The following ITGB1 variants were observed in gnomAD, a reference collection of about 807,000 sequenced individuals.
The protein encoded by ITGB1 is integrin beta-1.
ITGB1 carries 24 observed loss-of-function variants against 86.5 expected under a neutral mutation model. That is an observed-to-expected ratio of 0.28 (90% confidence interval 0.20 to 0.39). The LOEUF is 0.39. Among genes scored for constraint, ITGB1 ranks in the 10% least tolerant of loss-of-function variants. ITGB1 has a pLI of 1.00. For synonymous variants in ITGB1, 323 were observed against 316.8 expected (o/e 1.02, Z -0.21); for missense variants, 556 against 946.9 (o/e 0.59, Z 5.42).
chr10:32,944,509 C>A, intron 1 of ITGB1: 1 of 410,626 alleles, frequency 2.4e-6, no homozygotes. Context: ...AGACCTGCTC[C>A]AGGATCAACA....
intron 11 of ITGB1, among the ~76,000 whole-genome samples, chr10:32,912,528 C>T (rs2094916724): frequency 1.3e-5 from 2 of 152,198 alleles, no homozygotes; most frequent in African/African-American, 4.8e-5. Flanking sequence ...CCATGCCCAG[C>T]TCAGAGGGTC....
At position 32,925,851 on chromosome 10, in the gene ITGB1, T is replaced by G; in HGVS notation, c.786+20A>C. On this transcript the variant is annotated intron_variant, in intron 6 of 15. Transcript: ENST00000302278. ...ACATAATAGAAACAATATCCCCTGA[T>G]AGGAAATGAATGCGCTTACTCCACA... 7.3e-7 allele frequency: 1 copy of G among 1,362,184 alleles called. No individual in the cohort carries two copies. The highest frequency in any genetic ancestry group is 1.2e-5 in the South Asian group (1 of 85,906). The allele number at this position is 1,362,184 out of a possible 1,614,324, so 84.4% of individuals were successfully genotyped here.
At chr10:32,907,121 C>T in intron 15 of ITGB1, 1 of 1,344,092 alleles carries the variant, frequency 7.4e-7, no homozygotes, top group South Asian at 1.2e-5. Context: ...ATTAATAGGA[C>T]TCTTGTAAAT....
intron 15 of ITGB1, among the ~76,000 whole-genome samples, chr10:32,903,431 C>T (rs926764779): frequency 8.4e-6 from 1 of 119,664 alleles, no homozygotes. Context: ...AAAGGAAGAA[C>T]AGTCCTAGAG....
intron 3 of ITGB1, 33 bp from the exon 4 acceptor site, chr10:32,930,077 A>C: frequency 1.2e-6 from 1 of 838,034 alleles, no homozygotes. Context: ...GTATAAATGA[A>C]AATTGTAATG....
chr10:32,944,457 T>C (rs1174657774), intron 1 of ITGB1: 11 of 351,572 alleles, frequency 3.1e-5, no homozygotes, highest in South Asian at 2.4e-5. Context: ...ACAGCACTAG[T>C]TGTCGCGCGT....
chr10:32,957,407 G>C (rs905040323), intron 1 of ITGB1, among the ~76,000 whole-genome samples: 2 of 152,192 alleles, frequency 1.3e-5, no homozygotes, highest in African/African-American at 4.8e-5. Flanking sequence ...CTGAGCACAA[G>C]CTGGCCATGG....
chr10:32,954,537 C>CA (rs1350829831), intron 1 of ITGB1, among the ~76,000 whole-genome samples: 1 of 152,132 alleles, frequency 6.6e-6, no homozygotes, highest in African/African-American at 2.4e-5. Flanking sequence ...TGTACTTCTA[C>CA]AGCAATATAG....
In ITGB1 at chr10:32,901,642, CA is replaced by C. The variant is rs112426572; in HGVS notation, c.2332-8del. On this transcript the variant is annotated splice_region_variant and splice_polypyrimidine_tract_variant and intron_variant, in intron 15 of 15. Coordinates refer to ENST00000302278, the MANE Select transcript of ITGB1 (RefSeq NM_002211.4). ...TATAAATAGGATTTTCACCCTACAA[CA>C]AAAAAAAAGTGAGAAAAATTATCAG... 1,342 of 1,482,316 alleles carry C rather than the reference CA, an allele frequency of 9.1e-4. 2 individuals carry two copies. Among genetic ancestry groups the C allele is most frequent in the Admixed American group, 1.9e-3 (97 of 51,158 alleles). The allele number at this position is 1,482,316 out of a possible 1,614,324, so 91.8% of individuals were successfully genotyped here.
chr10:32,950,417 T>C (rs1279057091), intron 1 of ITGB1, among the ~76,000 whole-genome samples: 1 of 152,148 alleles, frequency 6.6e-6, no homozygotes, highest in Non-Finnish European at 1.5e-5. Flanking sequence ...CCTTTCCCCT[T>C]ACAGGAAGAA....
At chr10:32,936,689 G>A (rs1315106411) in intron 1 of ITGB1, among the ~76,000 whole-genome samples, 2 of 152,068 alleles carry the variant, frequency 1.3e-5, no homozygotes, top group South Asian at 2.1e-4. Context: ...AAGCTTTCAC[G>A]ATGATATGAA....
chr10:32,947,846 AG>A (rs1275296623), intron 1 of ITGB1, among the ~76,000 whole-genome samples: 1 of 152,200 alleles, frequency 6.6e-6, no homozygotes, highest in Non-Finnish European at 1.5e-5. Context: ...TTTACCTTGT[AG>A]GGGTTTTGTG....
chr10:32,939,719 GGTAAGTGAGTGAGTGAGTGA>G (rs1395223099), intron 1 of ITGB1, among the ~76,000 whole-genome samples: 21 of 108,002 alleles, frequency 1.9e-4, no homozygotes, highest in Admixed American at 1.5e-3. Flanking sequence ...TGGCTGGGTG[GGTAAGTGAGTGAGTGAGTGA>G]GTGAGTGAGT....
chr10:32,922,862 T>C, intron 7 of ITGB1, 127 bp from the exon 8 acceptor site: 1 of 580,352 alleles, frequency 1.7e-6, no homozygotes, highest in South Asian at 2.5e-5. Context: ...ATAACTAGAT[T>C]ACATATATAA....
intron 1 of ITGB1, among the ~76,000 whole-genome samples, chr10:32,947,478 C>T (rs947319491): frequency 3.8e-5 from 4 of 104,660 alleles, no homozygotes; most frequent in African/African-American, 1.5e-4. Flanking sequence ...TACGTACATA[C>T]ACACAGTATG....
chr10:32,916,767 C>T (rs967754942), intron 11 of ITGB1, among the ~76,000 whole-genome samples: 1 of 152,106 alleles, frequency 6.6e-6, no homozygotes, highest in African/African-American at 2.4e-5. Flanking sequence ...CCATACTGCC[C>T]AAGGTAATTT....
intron 1 of ITGB1, among the ~76,000 whole-genome samples, chr10:32,947,436 T>TGTGTGC (rs2137261214): frequency 6.7e-6 from 1 of 148,378 alleles, no homozygotes; most frequent in East Asian, 2.0e-4. Flanking sequence ...TATAGCCGTG[T>TGTGTGC]GTGTGTGTGT....
chr10:32,956,501 A>G (rs1381124756), intron 1 of ITGB1, among the ~76,000 whole-genome samples: 1 of 152,154 alleles, frequency 6.6e-6, no homozygotes, highest in African/African-American at 2.4e-5. Context: ...TGAGCCCAGG[A>G]GTTTGAGGCC....
chr10:32,930,629 A>C (rs530890600), intron 3 of ITGB1, among the ~76,000 whole-genome samples: 2 of 152,354 alleles, frequency 1.3e-5, no homozygotes, highest in African/African-American at 4.8e-5. Context: ...ATTGTAAATA[A>C]GTTTTTAAAA....
Sources: allele counts gnomAD v4.1 joint callset (sites outside exome capture counted in the v4.1 genomes callset), GRCh38; gene constraint gnomAD v4.1.1; transcripts MANE v1.5; gene names NCBI Gene and HGNC (gene_info 2026-07-23, HGNC 2026-07-21).